Variants in CNTNAP2 observed in about 807,000 individuals in gnomAD.
CNTNAP2 encodes the protein contactin associated protein 2, also known as contactin-associated protein-like 2.
Under a neutral mutation model 155.2 loss-of-function variants are expected in CNTNAP2, and 98 were observed. The ratio of observed to expected loss-of-function variants is 0.63; its 90% CI spans 0.54 to 0.75. The LOEUF (loss-of-function observed/expected upper bound fraction) is 0.75, where lower values mean the gene tolerates loss of function less well. Among genes scored for constraint, CNTNAP2 ranks in the 30% least tolerant of loss-of-function variants. The pLI is 0.00. For missense variants in CNTNAP2, 1,727 were observed against 1,688.1 expected (o/e 1.02, Z -0.40); for synonymous variants, 651 against 631.2 (o/e 1.03, Z -0.47).
intron 1 of CNTNAP2, among the ~76,000 whole-genome samples, chr7:146,396,683 G>C (rs1202176362): frequency 6.7e-6 from 1 of 148,454 alleles, no homozygotes; most frequent in East Asian, 1.9e-4. Flanking sequence ...TTGGGGTTCT[G>C]TTAGTTTTGG....
intron 3 of CNTNAP2, among the ~76,000 whole-genome samples, chr7:147,029,407 C>G (rs1798985010): frequency 6.6e-6 from 1 of 152,026 alleles, no homozygotes; most frequent in African/African-American, 2.4e-5. Flanking sequence ...AAAGAAGAAA[C>G]AGCAACGAAC....
intron 1 of CNTNAP2, among the ~76,000 whole-genome samples, chr7:146,448,185 T>C (rs188851991): frequency 3.0e-4 from 46 of 152,110 alleles, no homozygotes; most frequent in African/African-American, 1.1e-3. Context: ...AACTATCAAA[T>C]CACAAATTAA....
intron 18 of CNTNAP2, among the ~76,000 whole-genome samples, chr7:148,216,739 G>T (rs954550633): frequency 1.3e-5 from 2 of 152,148 alleles, no homozygotes; most frequent in South Asian, 4.2e-4. Flanking sequence ...ATATGGTTTG[G>T]CTCTGTCCCC....
intron 2 of CNTNAP2, among the ~76,000 whole-genome samples, chr7:146,837,439 G>C (rs565210620): frequency 3.2e-4 from 48 of 151,790 alleles, no homozygotes; most frequent in African/African-American, 1.1e-3. Context: ...TCAACATTTT[G>C]CATTTTTAAA....
At chr7:147,288,564 G>A (rs1805232908) in intron 8 of CNTNAP2, among the ~76,000 whole-genome samples, 1 of 152,208 alleles carries the variant, frequency 6.6e-6, no homozygotes, top group African/African-American at 2.4e-5. Context: ...GAAAGCAGAC[G>A]ATGATCATCA....
intron 14 of CNTNAP2, among the ~76,000 whole-genome samples, chr7:147,960,530 G>C (rs1275602878): frequency 1.3e-5 from 2 of 152,148 alleles, no homozygotes; most frequent in Admixed American, 6.6e-5. Context: ...AGGCAGACAA[G>C]GACAAAGAAC....
At chr7:146,873,419 G>A (rs750850475) in intron 3 of CNTNAP2, among the ~76,000 whole-genome samples, 6 of 152,020 alleles carry the variant, frequency 3.9e-5, no homozygotes, top group Non-Finnish European at 7.4e-5. Context: ...TTCAAAGGAC[G>A]TAAGCTACTT....
At chr7:146,206,066 T>C (rs1217294291) in intron 1 of CNTNAP2, among the ~76,000 whole-genome samples, 2 of 151,968 alleles carry the variant, frequency 1.3e-5, no homozygotes, top group Admixed American at 6.6e-5. Context: ...TTATTCACAA[T>C]ACTGTTTTTC....
chr7:147,965,188 C>T (rs568111700), intron 14 of CNTNAP2, among the ~76,000 whole-genome samples: 2 of 152,272 alleles, frequency 1.3e-5, no homozygotes, highest in Admixed American at 6.5e-5. Flanking sequence ...TCATGTGCCA[C>T]TTTTCATCTT....
At chr7:147,960,335 A>G (rs1416279017) in intron 14 of CNTNAP2, among the ~76,000 whole-genome samples, 1 of 152,198 alleles carries the variant, frequency 6.6e-6, no homozygotes, top group Non-Finnish European at 1.5e-5. Context: ...AGGAAGCTTT[A>G]TGCCGTCACT....
chr7:147,953,130 C>T (rs560529714), intron 14 of CNTNAP2, among the ~76,000 whole-genome samples: 23 of 152,256 alleles, frequency 1.5e-4, no homozygotes, highest in African/African-American at 5.3e-4. Context: ...AGCATTATTC[C>T]GTTGCTACGT....
chr7:147,689,618 A>G (rs927580181), intron 13 of CNTNAP2, among the ~76,000 whole-genome samples: 2 of 152,176 alleles, frequency 1.3e-5, no homozygotes, highest in African/African-American at 4.8e-5. Flanking sequence ...AAAACACCAA[A>G]ATATACTTTG....
chr7:146,782,500 C>T (rs1479891594), intron 2 of CNTNAP2, among the ~76,000 whole-genome samples: 1 of 152,114 alleles, frequency 6.6e-6, no homozygotes, highest in African/African-American at 2.4e-5. Flanking sequence ...TGACCAAGGA[C>T]AAGCATGGGA....
At chr7:147,924,219 A>G (rs1800342196) in intron 14 of CNTNAP2, among the ~76,000 whole-genome samples, 1 of 142,082 alleles carries the variant, frequency 7.0e-6, no homozygotes, top group Non-Finnish European at 1.5e-5. Flanking sequence ...AGCTCACCCA[A>G]CCTCTGCCTC....
intron 11 of CNTNAP2, among the ~76,000 whole-genome samples, chr7:147,518,494 A>C (rs537684046): frequency 2.0e-5 from 3 of 152,192 alleles, no homozygotes; most frequent in Non-Finnish European, 4.4e-5. Context: ...GCACATGTAC[A>C]TACAGATGCT....
intron 1 of CNTNAP2, among the ~76,000 whole-genome samples, chr7:146,289,876 G>T (rs1800401481): frequency 6.6e-6 from 1 of 151,866 alleles, no homozygotes; most frequent in Non-Finnish European, 1.5e-5. Context: ...ATTTTTTCTA[G>T]TATTTTCAAT....
chr7:146,870,007 G>A lies in CNTNAP2; in HGVS notation c.402+30103G>A, dbSNP rs192595601. On this transcript the variant is annotated intron_variant, in intron 3 of 23. Transcript: ENST00000361727. ...GCAAGTATTTTTGCTGAGGATTTTT[G>A]CATCATAGTTCATCAATGATATTGG... 2.2e-4 allele frequency among the ~76,000 whole-genome samples: 33 copies of A among 152,212 alleles called. No homozygotes were observed. In the South Asian group the frequency reaches 6.4e-3, roughly 30 times the overall value.
At chr7:146,260,833 TG>T (rs1305448942) in intron 1 of CNTNAP2, among the ~76,000 whole-genome samples, 2 of 152,318 alleles carry the variant, frequency 1.3e-5, no homozygotes, top group East Asian at 3.9e-4. Context: ...AGGGGACTGT[TG>T]AGAAGGCATG....
intron 1 of CNTNAP2, among the ~76,000 whole-genome samples, chr7:146,459,799 C>A (rs977119120): frequency 1.3e-5 from 2 of 151,928 alleles, no homozygotes; most frequent in African/African-American, 4.8e-5. Flanking sequence ...GGTGAAACCC[C>A]ATCTCTACAA....
Sources: gnomAD v4.1 joint callset for allele counts (sites outside exome capture counted in the v4.1 genomes callset) on GRCh38, gnomAD v4.1.1 for gene constraint, MANE v1.5 for transcripts, NCBI Gene and HGNC (gene_info 2026-07-23, HGNC 2026-07-21) for gene names.